The following MYH11 variants were observed in gnomAD, a reference collection of about 807,000 sequenced individuals.
MYH11 encodes the protein myosin-11.
Under a neutral mutation model 246.6 loss-of-function variants are expected in MYH11, and 80 were observed. The ratio of observed to expected loss-of-function variants is 0.32; its 90% CI spans 0.27 to 0.39. The LOEUF (loss-of-function observed/expected upper bound fraction) is 0.39, where lower values mean the gene tolerates loss of function less well. Ranked by LOEUF, MYH11 falls within the 10% of genes least tolerant of loss-of-function variation. MYH11 has a pLI of 1.00. For missense variants in MYH11, 2,158 were observed against 2,546.8 expected (o/e 0.85, Z 3.29); for synonymous variants, 1,071 against 1,015.5 (o/e 1.05, Z -1.04).
chr16:15,705,832 T>A (rs1194831776), intron 40 of MYH11, among the ~76,000 whole-genome samples: 3 of 151,402 alleles, frequency 2.0e-5, no homozygotes, highest in African/African-American at 7.3e-5. Context: ...ATACAAAAAA[T>A]TAGCCGGGCG....
At chr16:15,784,318 G>T (rs2151304920) in intron 5 of MYH11, among the ~76,000 whole-genome samples, 1 of 152,244 alleles carries the variant, frequency 6.6e-6, no homozygotes, top group East Asian at 1.9e-4. Flanking sequence ...AAGCTTTGGG[G>T]CCTGACAGTC....
chr16:15,745,197 C>T lies in MYH11; in HGVS notation c.2452G>A (p.Val818Met), dbSNP rs2041383645. ...TAGGCGGCGCAGTTCCTCTGAATCA[C>T]CTTCATGGCGGTCAGCTGCTGCTGC... The part of the protein sequence containing the change: ...KRQQQLTAMK[V>M]IQRNCAAYLK... The change falls in exon 20 of 41, where the codon GTG becomes ATG. Residue 818 changes from valine to methionine, a missense_variant. Physicochemically the swap from Val to Met is conservative, Grantham distance 21. Around this residue, in one of 11 missense-constraint regions of MYH11, gnomAD observed 90 missense variants for 144.2 expected, o/e 0.62. Coordinates refer to ENST00000300036, the MANE Select transcript of MYH11 (RefSeq NM_002474.3). 1 of 1,614,120 alleles carries T rather than the reference C, an allele frequency of 6.2e-7. No homozygotes were observed.
chr16:15,708,600 G>A (rs1355621761), intron 40 of MYH11, among the ~76,000 whole-genome samples: 8 of 152,204 alleles, frequency 5.3e-5, no homozygotes, highest in Admixed American at 3.3e-4. Context: ...GAAGGACAGT[G>A]GGTCAAGAGA....
chr16:15,819,834 A>G (rs2043358800), intron 3 of MYH11, among the ~76,000 whole-genome samples: 1 of 152,204 alleles, frequency 6.6e-6, no homozygotes, highest in Non-Finnish European at 1.5e-5. Flanking sequence ...CTGGTCTAGG[A>G]AAGCAAAAGT....
chr16:15,822,755 A>G (rs1291455024), intron 3 of MYH11, among the ~76,000 whole-genome samples: 3 of 152,170 alleles, frequency 2.0e-5, no homozygotes, highest in Admixed American at 6.5e-5. Context: ...ACGTATAAAC[A>G]TGAAAGTAAT....
chr16:15,826,675 G>T (rs1429929906), intron 2 of MYH11, among the ~76,000 whole-genome samples: 3 of 151,948 alleles, frequency 2.0e-5, no homozygotes, highest in Non-Finnish European at 4.4e-5. Context: ...ATGTCTGGGG[G>T]TGCTGCAGAG....
chr16:15,851,250 C>T (rs2044321449), intron 1 of MYH11, among the ~76,000 whole-genome samples: 1 of 152,072 alleles, frequency 6.6e-6, no homozygotes, highest in African/African-American at 2.4e-5. Context: ...AATGCACCTG[C>T]TTGGCAGGTC....
intron 27 of MYH11, 80 bp from the exon 28 acceptor site, chr16:15,727,134 C>G: frequency 7.6e-7 from 1 of 1,311,638 alleles, no homozygotes; most frequent in Non-Finnish European, 1.1e-6. Flanking sequence ...TTTCCTCCCT[C>G]AGAGAGGTCC....
chr16:15,720,304 C>T lies in MYH11; in HGVS notation c.4800G>A (p.Glu1600=). 1 of 1,613,990 alleles carries T rather than the reference C, an allele frequency of 6.2e-7. No individual in the cohort carries two copies. The highest frequency in any genetic ancestry group is 8.5e-7 in the Non-Finnish European group (1 of 1,179,958). The change falls in exon 34 of 41, where the codon GAG becomes GAA. Residue 1600 remains glutamate (E), a synonymous_variant. Transcript: ENST00000300036. ...KRRQLQRQLH[E]YETELEDERK... ...GCTCGTCTTCCAGTTCCGTCTCATACTCGTGAAGCTGGGCGAGGAATAGAG... is the reference window on the plus strand; with the variant it reads ...GCTCGTCTTCCAGTTCCGTCTCATATTCGTGAAGCTGGGCGAGGAATAGAG...
At chr16:15,767,938 T>A (rs72772039) in intron 9 of MYH11, among the ~76,000 whole-genome samples, 23,832 of 142,696 alleles carry the variant, frequency 0.17, 2,093 homozygotes, top group South Asian at 0.33. Flanking sequence ...AAAAAAAAAA[T>A]TTTTTTTTTT....
intron 4 of MYH11, among the ~76,000 whole-genome samples, chr16:15,790,381 A>C (rs2042580866): frequency 6.6e-6 from 1 of 151,556 alleles, no homozygotes; most frequent in Non-Finnish European, 1.5e-5. Context: ...ATCCGTGGCT[A>C]TGGTCTCCCA....
At position 15,726,990 on chromosome 16, in the gene MYH11, T is replaced by G; in HGVS notation, c.3716A>C (p.Glu1239Ala). 1 of 1,611,998 alleles carries G rather than the reference T, an allele frequency of 6.2e-7. No homozygotes were observed. Among genetic ancestry groups the G allele is most frequent in the Non-Finnish European group, 8.5e-7 (1 of 1,178,914 alleles). The change falls in exon 28 of 41, where the codon GAG becomes GCG. Residue 1239 changes from glutamate (E) to alanine (A), a missense_variant. Physicochemically the swap from Glu to Ala is moderately radical, Grantham distance 107 (BLOSUM62 -1). This residue lies in a region of MYH11 where 1,013 missense variants were observed against 993.5 expected (regional missense o/e 1.02). Coordinates refer to ENST00000300036, the MANE Select transcript of MYH11 (RefSeq NM_002474.3). ...CTTGGCCTGGCCCAGGACCCGCAGC[T>G]CCCCGGCCAGGTCTGCGTTCTCTTT... ...LEKENADLAG[E>A]LRVLGQAKQE... is the part of the protein sequence containing the mutation.
chr16:15,706,865 C>T (rs1309124465), intron 40 of MYH11, among the ~76,000 whole-genome samples: 1 of 152,084 alleles, frequency 6.6e-6, no homozygotes, highest in Admixed American at 6.5e-5. Flanking sequence ...TACATTGTGC[C>T]CTGGGCCGTT....
intron 1 of MYH11, among the ~76,000 whole-genome samples, chr16:15,842,352 C>T (rs578251258): frequency 2.3e-4 from 35 of 151,888 alleles, no homozygotes; most frequent in African/African-American, 7.0e-4. Flanking sequence ...TGCCTCTCAC[C>T]GCACTCCAGC....
rs151112745 is a variant in MYH11, at chr16:15,724,168, A to G, written c.4358T>C (p.Phe1453Ser). 6.2e-6 allele frequency: 10 copies of G among 1,613,522 alleles called. No homozygotes were observed. The highest frequency in any genetic ancestry group is 2.2e-5 in the East Asian group (1 of 44,878). Reference sequence around the variant, plus strand: ...ACACCCCACGCCCTCTACCTGATCAAATTTCCTCTGCTTCTTTTCCAGGTT... The same window carrying G: ...ACACCCCACGCCCTCTACCTGATCAGATTTCCTCTGCTTCTTTTCCAGGTT... ...VSNLEKKQRK[F>S]DQLLAEEKNI... Residue 1453 changes from phenylalanine to serine, a missense_variant, in exon 31 of 41, where the codon TTT becomes TCT. Physicochemically the swap from Phe to Ser is radical, Grantham distance 155. Coordinates refer to ENST00000300036, the MANE Select transcript of MYH11 (RefSeq NM_002474.3).
At chr16:15,740,794 T>C (rs1447104148) in intron 22 of MYH11, among the ~76,000 whole-genome samples, 1 of 152,126 alleles carries the variant, frequency 6.6e-6, no homozygotes, top group Non-Finnish European at 1.5e-5. Context: ...GATTTGCTTC[T>C]AACAACAACA....
intron 40 of MYH11, among the ~76,000 whole-genome samples, chr16:15,705,051 C>G (rs2039374658): frequency 6.6e-6 from 1 of 152,210 alleles, no homozygotes; most frequent in Non-Finnish European, 1.5e-5. Flanking sequence ...ATGATCTTGG[C>G]TCACTGCAAC....
chr16:15,797,560 A>T (rs569193095), intron 4 of MYH11, among the ~76,000 whole-genome samples: 1 of 148,200 alleles, frequency 6.7e-6, no homozygotes, highest in African/African-American at 2.4e-5. Context: ...TATAAATATA[A>T]ATATATTAAA....
chr16:15,803,190 T>C (rs116198628), intron 3 of MYH11, among the ~76,000 whole-genome samples: 5,355 of 151,876 alleles, frequency 0.035, 295 homozygotes, highest in African/African-American at 0.12. Context: ...TCCATTATAC[T>C]CTGGAGACAG....
Sources: gnomAD v4.1 joint callset for allele counts (sites outside exome capture counted in the v4.1 genomes callset) on GRCh38, gnomAD v4.1.1 for gene constraint, gnomAD v4.1.1 regional missense constraint, MANE v1.5 for transcripts, NCBI Gene and HGNC (gene_info 2026-07-23, HGNC 2026-07-21) for gene names.